Variants in ZNF266 observed in about 807,000 individuals in gnomAD.
ZNF266 encodes zinc finger protein 1.
In ZNF266, 16 loss-of-function variants were observed where a neutral mutation model predicts 16.4. The ratio of observed to expected loss-of-function variants is 0.98; its 90% CI spans 0.66 to 1.48. The LOEUF (loss-of-function observed/expected upper bound fraction) is 1.48, where lower values mean the gene tolerates loss of function less well. ZNF266 is among the 40% of genes most tolerant of loss of function. The probability of loss-of-function intolerance (pLI) is 0.00; values close to 1 mark genes in which losing one functional copy is unlikely to be tolerated. For synonymous variants in ZNF266, 262 were observed against 237.9 expected (o/e 1.10, Z -0.93); for missense variants, 738 against 689.1 (o/e 1.07, Z -0.79).
chr19:9,427,988 G>GA (rs35954186), intron 5 of ZNF266, among the ~76,000 whole-genome samples: 85,460 of 151,714 alleles, frequency 0.56, 24,281 homozygotes, highest in Middle Eastern at 0.63. Flanking sequence ...AAAACGGGGG[G>GA]AAAAATCAAC....
intron 5 of ZNF266, among the ~76,000 whole-genome samples, chr19:9,426,900 C>A (rs1403612083): frequency 3.3e-5 from 5 of 152,094 alleles, no homozygotes; most frequent in African/African-American, 1.2e-4. Flanking sequence ...GTACCCATGG[C>A]CCTAAAATAT....
intron 5 of ZNF266, among the ~76,000 whole-genome samples, chr19:9,432,813 C>T (rs1050376228): frequency 6.6e-6 from 1 of 151,832 alleles, no homozygotes; most frequent in African/African-American, 2.4e-5. Context: ...GCTTCCAAAG[C>T]AAAAACTCTA....
rs773926444 is a variant in ZNF266, at chr19:9,414,162, G to A, written c.964C>T (p.Leu322Phe). ...GTGTGAGTTTTTCTGTGCTGAGTAAGTTGACAAGACCTGGTGAAGGCTTTC... is the reference window on the plus strand; with the variant it reads ...GTGTGAGTTTTTCTGTGCTGAGTAAATTGACAAGACCTGGTGAAGGCTTTC... ...CGKAFTRSCQ[L>F]TQHRKTHTGE... The change falls in exon 11 of 11, where the codon CTT (leucine) becomes TTT (phenylalanine). Residue 322 changes from leucine to phenylalanine, a missense_variant. Coordinates refer to ENST00000592904, the MANE Select transcript of ZNF266 (RefSeq NM_001370374.1). 1.2e-6 allele frequency: 2 copies of A among 1,613,884 alleles called. No individual in the cohort carries two copies. The highest frequency in any genetic ancestry group is 1.7e-6 in the Non-Finnish European group (2 of 1,179,900).
intron 9 of ZNF266, among the ~76,000 whole-genome samples, chr19:9,416,662 C>A (rs112259523): frequency 0.02 from 2,226 of 111,186 alleles, 79 homozygotes; most frequent in African/African-American, 0.079. Context: ...CCGTGCCAGG[C>A]CTTTTTTTTT....
At chr19:9,424,314 T>C (rs896365195) in intron 5 of ZNF266, among the ~76,000 whole-genome samples, 33 of 151,316 alleles carry the variant, frequency 2.2e-4, no homozygotes, top group Non-Finnish European at 8.8e-5. Context: ...TACTAGACAA[T>C]TGAGGCAAGG....
intron 9 of ZNF266, among the ~76,000 whole-genome samples, chr19:9,417,216 CA>C (rs2069171427): frequency 6.6e-6 from 1 of 151,354 alleles, no homozygotes; most frequent in Non-Finnish European, 1.5e-5. Context: ...ACTAATAATA[CA>C]AAAAATTAAC....
At chr19:9,422,402 A>C (rs1271040888) in intron 5 of ZNF266, among the ~76,000 whole-genome samples, 1 of 152,118 alleles carries the variant, frequency 6.6e-6, no homozygotes, top group African/African-American at 2.4e-5. Context: ...CCCCATCACA[A>C]TTCATAACAC....
At chr19:9,420,299 G>C (rs1282885166) in intron 5 of ZNF266, 81 bp from the exon 6 acceptor site, 1 of 152,204 alleles carries the variant, frequency 6.6e-6, no homozygotes, top group African/African-American at 2.4e-5. Context: ...AGAGCATATA[G>C]AGGAAAAGAC....
chr19:9,425,448 T>C (rs1323718945), intron 5 of ZNF266, among the ~76,000 whole-genome samples: 1 of 152,182 alleles, frequency 6.6e-6, no homozygotes, highest in East Asian at 1.9e-4. Flanking sequence ...TGGGTAGGGC[T>C]AGAATTTGCA....
chr19:9,413,998 A>G lies in ZNF266; in HGVS notation c.1128T>C (p.Ser376=). Residue 376 remains serine (S), a synonymous_variant, in exon 11 of 11, where the codon TCT becomes TCC. Coordinates refer to ENST00000592904, the MANE Select transcript of ZNF266 (RefSeq NM_001370374.1). ...KECGIAFTRS[S]QLTEHLKTHT... is the part of the protein sequence containing the mutation. ...GAGTTTTTAAATGTTCAGTAAGTTG[A>G]GAAGATCTAGTGAAGGCTATCCCAC... The G allele has an allele frequency of 1.2e-6, 2 of 1,614,166 alleles. No homozygotes were observed. The highest frequency in any genetic ancestry group is 1.7e-6 in the Non-Finnish European group (2 of 1,180,038).
intron 5 of ZNF266, among the ~76,000 whole-genome samples, chr19:9,424,103 T>A (rs1002012081): frequency 1.3e-5 from 2 of 152,086 alleles, no homozygotes; most frequent in African/African-American, 2.4e-5. Context: ...TCTGGAGATC[T>A]TCTTAGACCC....
intron 7 of ZNF266, chr19:9,418,884 G>A: frequency 3.3e-6 from 1 of 304,202 alleles, no homozygotes; most frequent in Non-Finnish European, 6.2e-6. Context: ...TTGAGCAGAT[G>A]CTAGATAAAC....
At chr19:9,421,986 GACT>G (rs1213348112) in intron 5 of ZNF266, among the ~76,000 whole-genome samples, 1 of 152,134 alleles carries the variant, frequency 6.6e-6, no homozygotes, top group East Asian at 1.9e-4. Context: ...GAGTAGCTGG[GACT>G]ATAGGCACCC....
At chr19:9,433,903 G>C (rs1157082170) in intron 4 of ZNF266, 117 bp from the exon 5 acceptor site, 1 of 152,160 alleles carries the variant, frequency 6.6e-6, no homozygotes, top group East Asian at 1.9e-4. Flanking sequence ...CCAAGAGGTG[G>C]AGGTTACAGT....
chr19:9,420,421 C>A (rs1041229535), intron 5 of ZNF266: 3 of 152,106 alleles, frequency 2.0e-5, no homozygotes, highest in African/African-American at 7.2e-5. Context: ...ATTATCATAA[C>A]CACCCTTTAC....
At chr19:9,431,475 C>T (rs1027467226) in intron 5 of ZNF266, among the ~76,000 whole-genome samples, 1 of 152,184 alleles carries the variant, frequency 6.6e-6, no homozygotes, top group Non-Finnish European at 1.5e-5. Context: ...TTCCCAAAGG[C>T]CTCCGAACGT....
chr19:9,413,279 G>A lies in ZNF266; in HGVS notation c.1847C>T (p.Ala616Val). The change falls in exon 11 of 11, where the codon GCA (alanine) becomes GTA (valine). Residue 616 changes from alanine (A) to valine (V), a missense_variant. Coordinates refer to ENST00000592904, the MANE Select transcript of ZNF266 (RefSeq NM_001370374.1). ...CTTTAGGTTTTCCCACATTCCTTAT[G>A]CTGACAGTCTCTCATCCGCATGCCT... Reference protein sequence around the residue: ...ERRHADERLSA With the variant: ...ERRHADERLSV The A allele has an allele frequency of 6.3e-7, 1 of 1,577,366 alleles. No individual in the cohort carries two copies. Among genetic ancestry groups the A allele is most frequent in the South Asian group, 1.2e-5 (1 of 84,156 alleles).
Position 9,435,156 on chromosome 19 carries a change from C to G in ZNF266, c.-520G>C, listed in dbSNP as rs200034543. On this transcript the variant is annotated 5_prime_UTR_variant, in exon 2 of 11. Coordinates refer to ENST00000592904, the MANE Select transcript of ZNF266 (RefSeq NM_001370374.1). ...TACGGGAGATTGGGGGGATGAAGGA[C>G]CAGTCAACCTGATTCGAACGACGAA... 2 of 151,504 alleles carry G rather than the reference C, an allele frequency of 1.3e-5. No homozygotes were observed. The highest frequency in any genetic ancestry group is 1.3e-4 in the Admixed American group (2 of 15,244). 9.4% of individuals were successfully genotyped at this position (151,504 alleles called of 1,614,324 possible).
At position 9,413,679 on chromosome 19, in the gene ZNF266, CT is replaced by C. The variant is rs756980516; in HGVS notation, c.1446del (p.Ala483ProfsTer12). On this transcript the variant is annotated frameshift_variant, in exon 11 of 11. Coordinates refer to ENST00000592904, the MANE Select transcript of ZNF266 (RefSeq NM_001370374.1). LOFTEE classifies it low-confidence loss of function (END_TRUNC). Reference protein sequence around the residue: ...EKPFECVKCGKAFAISSNLSG... With the variant: ...EKPFECVKCGXAFAISSNLSG... ...CTAAGATTTGAAGAAATAGCAAAGG[CT>C]TTCCCACATTTGACACATTCAAAAG... 6.2e-7 allele frequency: 1 copy of C among 1,614,150 alleles called. No individual in the cohort carries two copies. Among genetic ancestry groups the C allele is most frequent in the Non-Finnish European group, 8.5e-7 (1 of 1,180,012 alleles).
Sources: gnomAD v4.1 joint callset for allele counts (sites outside exome capture counted in the v4.1 genomes callset) on GRCh38, gnomAD v4.1.1 for gene constraint, MANE v1.5 for transcripts, NCBI Gene and HGNC (gene_info 2026-07-23, HGNC 2026-07-21) for gene names.